BRF1: variants seen among roughly 807,000 people sequenced by gnomAD.
BRF1 encodes the protein transcription factor IIIB 90 kDa subunit.
Under a neutral mutation model 81.7 loss-of-function variants are expected in BRF1, and 59 were observed. The ratio of observed to expected loss-of-function variants is 0.72; its 90% CI spans 0.59 to 0.90. The LOEUF (loss-of-function observed/expected upper bound fraction) is 0.90, where lower values mean the gene tolerates loss of function less well. Ranked by LOEUF, BRF1 falls within the 40% of genes least tolerant of loss-of-function variation. The probability of loss-of-function intolerance (pLI) is 0.00; values close to 1 mark genes in which losing one functional copy is unlikely to be tolerated. For synonymous variants in BRF1, 491 were observed against 395.6 expected, an observed-to-expected ratio of 1.24 and a Z score of -2.86; for missense variants, 1,050 against 936.3, an observed-to-expected ratio of 1.12 and a Z score of -1.58.
At chr14:105,242,348 GA>G (rs2054737299) in intron 5 of BRF1, 1 of 151,996 alleles carries the variant, frequency 6.6e-6, no homozygotes, top group Non-Finnish European at 1.5e-5. Context: ...ATTATTTGGA[GA>G]AAAAAATTAG....
At chr14:105,216,266 A>G (rs1180876053) in intron 15 of BRF1, among the ~76,000 whole-genome samples, 4 of 152,190 alleles carry the variant, frequency 2.6e-5, no homozygotes, top group Admixed American at 6.5e-5. Context: ...AGAATCACCC[A>G]ACTGGGACAG....
At chr14:105,298,278 T>G (rs2057820979) in intron 1 of BRF1, among the ~76,000 whole-genome samples, 1 of 152,108 alleles carries the variant, frequency 6.6e-6, no homozygotes, top group African/African-American at 2.4e-5. Context: ...CCACAACAAC[T>G]TTGAAAAGGA....
chr14:105,218,970 G>C (rs1274848862), intron 14 of BRF1, 28 bp downstream of exon 14: 1 of 1,613,652 alleles, frequency 6.2e-7, no homozygotes, highest in Admixed American at 1.7e-5. Context: ...CCCCCAAGAA[G>C]GCCAGGCCCA....
intron 5 of BRF1, chr14:105,248,593 G>A: frequency 2.1e-6 from 2 of 960,900 alleles, no homozygotes; most frequent in Non-Finnish European, 2.5e-6. Context: ...GGGCGGGACG[G>A]CGCCCCCCGC....
intron 14 of BRF1, among the ~76,000 whole-genome samples, chr14:105,218,685 G>A (rs913866194): frequency 2.6e-5 from 4 of 152,210 alleles, no homozygotes; most frequent in Admixed American, 2.6e-4. Flanking sequence ...GAGCAAACCC[G>A]TTAACACAGG....
intron 4 of BRF1, 113 bp downstream of exon 4, chr14:105,256,405 A>C (rs1595401919): frequency 6.2e-7 from 1 of 1,611,336 alleles, no homozygotes; most frequent in Non-Finnish European, 8.5e-7. Flanking sequence ...GGCAGCACAG[A>C]CCGGCCACTG....
chr14:105,246,771 T>A, intron 5 of BRF1: 1 of 978,830 alleles, frequency 1.0e-6, no homozygotes, highest in Non-Finnish European at 1.2e-6. Context: ...CTGTAACATA[T>A]TTAAAAATCA....
intron 5 of BRF1, chr14:105,250,564 G>A (rs774818164): frequency 8.1e-6 from 13 of 1,614,006 alleles, no homozygotes; most frequent in Admixed American, 3.3e-5. Context: ...AGGGGATGAC[G>A]GAAGTGCAGT....
intron 5 of BRF1, chr14:105,242,018 C>T (rs1347616352): frequency 6.5e-6 from 1 of 155,022 alleles, no homozygotes. Flanking sequence ...ACTGCATGGA[C>T]CTAAGCAGCG....
At chr14:105,288,921 T>C (rs1008182446) in intron 1 of BRF1, among the ~76,000 whole-genome samples, 2 of 151,082 alleles carry the variant, frequency 1.3e-5, no homozygotes, top group African/African-American at 2.4e-5. Context: ...CTTGTGGTCC[T>C]ACTACTCAGG....
chr14:105,229,025 G>C lies in BRF1; in HGVS notation c.695-112C>G. ...GGTCACGGAGATGATGGCCTGAGAAGACGTGTCTGTGCCAGGCAGTGAGAC... is the reference window on the plus strand; with the variant it reads ...GGTCACGGAGATGATGGCCTGAGAACACGTGTCTGTGCCAGGCAGTGAGAC... On this transcript the variant is annotated intron_variant, in intron 6 of 17. Transcript: ENST00000547530. The C allele has an allele frequency of 6.2e-6, 6 of 967,698 alleles. No individual in the cohort carries two copies. The South Asian group carries it at 8.1e-5, about 13-fold the overall frequency. 59.9% of individuals were successfully genotyped at this position (967,698 alleles called of 1,614,324 possible).
intron 1 of BRF1, among the ~76,000 whole-genome samples, chr14:105,314,060 T>C (rs1465471444): frequency 3.3e-5 from 5 of 152,238 alleles, no homozygotes; most frequent in Admixed American, 6.5e-5. Flanking sequence ...CCCGGGGTCA[T>C]CTGGAGCCCT....
At chr14:105,291,924 G>C (rs1211066309) in intron 1 of BRF1, among the ~76,000 whole-genome samples, 1 of 152,106 alleles carries the variant, frequency 6.6e-6, no homozygotes, top group Non-Finnish European at 1.5e-5. Context: ...CTTGAACCCG[G>C]GAGGCGGAGG....
chr14:105,229,429 TG>T (rs2141620522), intron 6 of BRF1, among the ~76,000 whole-genome samples: 1 of 152,348 alleles, frequency 6.6e-6, no homozygotes, highest in South Asian at 2.1e-4. Flanking sequence ...GTACCTGGCC[TG>T]CCGGGTAGAG....
chr14:105,301,990 T>A (rs1347404141), upstream of BRF1, among the ~76,000 whole-genome samples: 1 of 151,974 alleles, frequency 6.6e-6, no homozygotes, highest in South Asian at 2.1e-4. Flanking sequence ...TACAAAAAAA[T>A]TAGCCAGGCT....
chr14:105,250,866 C>T, intron 5 of BRF1: 3 of 636,438 alleles, frequency 4.7e-6, no homozygotes, highest in East Asian at 5.6e-5. Flanking sequence ...ATCTCTGGTA[C>T]AGTGGGGTGC....
At chr14:105,226,843 T>G in intron 7 of BRF1, 83 bp from the exon 8 acceptor site, 1 of 1,594,580 alleles carries the variant, frequency 6.3e-7, no homozygotes, top group African/African-American at 1.3e-5. Flanking sequence ...TGGGCGTGGC[T>G]CATGCCTGTG....
intron 3 of BRF1, among the ~76,000 whole-genome samples, chr14:105,257,364 C>G (rs1429217774): frequency 6.6e-6 from 1 of 152,138 alleles, no homozygotes; most frequent in Non-Finnish European, 1.5e-5. Context: ...GCAGCAAAGC[C>G]CCACCACGCA....
intron 2 of BRF1, among the ~76,000 whole-genome samples, chr14:105,277,566 G>A (rs1452234817): frequency 7.1e-6 from 1 of 140,606 alleles, no homozygotes; most frequent in Non-Finnish European, 1.6e-5. Context: ...GGAGCTGAGA[G>A]GCGGCCCTCA....
Sources: allele counts gnomAD v4.1 joint callset (sites outside exome capture counted in the v4.1 genomes callset), GRCh38; gene constraint gnomAD v4.1.1; transcripts MANE v1.5; gene names NCBI Gene and HGNC (gene_info 2026-07-23, HGNC 2026-07-21).